Variants in ZDHHC6 observed in about 807,000 individuals in gnomAD.
ZDHHC6 encodes zDHHC palmitoyltransferase 6, also known as palmitoyltransferase ZDHHC6.
Under a neutral mutation model 57.8 loss-of-function variants are expected in ZDHHC6, and 32 were observed. The observed-to-expected ratio is 0.55, with a 90% confidence interval of 0.42 to 0.74. The LOEUF (loss-of-function observed/expected upper bound fraction) is 0.74. Ranked by LOEUF, ZDHHC6 falls within the 30% of genes least tolerant of loss-of-function variation. The pLI, the probability that ZDHHC6 is intolerant of heterozygous loss-of-function variation, is 0.00. For missense variants in ZDHHC6, 433 were observed against 500.7 expected (o/e 0.86, Z 1.29); for synonymous variants, 128 against 158.0 (o/e 0.81, Z 1.42).
rs75526073 is a variant in ZDHHC6 at position 112,431,099 on chromosome 10, C to A, written c.1139-192G>T. The stretch of plus-strand genomic sequence containing the variant: ...TTAAATGTTCATAACAAGCTAGGAA[C>A]AGGTATTTCCCAAATTTGATGATCC... On this transcript the variant is annotated intron_variant, in intron 10 of 10. Transcript: ENST00000369405. Among the ~76,000 whole-genome samples, 165 of 152,288 alleles carry A rather than the reference C, an allele frequency of 1.1e-3. 2 individuals carry two copies. In the East Asian group the frequency reaches 0.03, roughly 27 times the overall value.
chr10:112,428,849 G>A (rs910361255), downstream of ZDHHC6, among the ~76,000 whole-genome samples: 13 of 152,128 alleles, frequency 8.5e-5, no homozygotes, highest in African/African-American at 3.1e-4. Flanking sequence ...TAAATGGCCG[G>A]ATACAGCCTG....
chr10:112,432,641 C>A, intron 8 of ZDHHC6, 120 bp from the exon 9 acceptor site: 1 of 1,267,788 alleles, frequency 7.9e-7, no homozygotes. Context: ...TCTAGTTCCC[C>A]TTCTAGGGGA....
chr10:112,436,492 A>G (rs1845545256), intron 6 of ZDHHC6, among the ~76,000 whole-genome samples: 1 of 152,220 alleles, frequency 6.6e-6, no homozygotes, highest in South Asian at 2.1e-4. Context: ...ACAAAAAAAG[A>G]AGTCATAAAA....
At chr10:112,431,309 ATATT>A (rs1659853272) in intron 10 of ZDHHC6, among the ~76,000 whole-genome samples, 1 of 151,180 alleles carries the variant, frequency 6.6e-6, no homozygotes, top group Non-Finnish European at 1.5e-5. Context: ...TCTAACATAT[ATATT>A]TCTTTCTTTT....
chr10:112,433,198 A>G (rs747141454), intron 8 of ZDHHC6, 42 bp downstream of exon 8: 4 of 1,537,470 alleles, frequency 2.6e-6, no homozygotes, highest in Non-Finnish European at 3.5e-6. Context: ...TACAGAGCCT[A>G]ACAAAAGAAA....
At chr10:112,439,665 AAAAAG>A (rs1345397102) in intron 5 of ZDHHC6, among the ~76,000 whole-genome samples, 18 of 135,216 alleles carry the variant, frequency 1.3e-4, no homozygotes, top group African/African-American at 3.7e-4. Flanking sequence ...AAAAAAAAAA[AAAAAG>A]AATGAAAAAG....
downstream of ZDHHC6, chr10:112,426,521 C>G: frequency 1.6e-6 from 1 of 636,366 alleles, no homozygotes; most frequent in South Asian, 2.0e-5. Flanking sequence ...AAATAAAACT[C>G]TCTTTTCTAT....
At chr10:112,447,269 T>C (rs1028991701), upstream of ZDHHC6, 5 of 1,268,064 alleles carry the variant, frequency 3.9e-6, no homozygotes, top group Admixed American at 2.1e-5. Flanking sequence ...CGTTCTGCTC[T>C]CGGGGGCACC....
intron 8 of ZDHHC6, among the ~76,000 whole-genome samples, chr10:112,432,726 C>T (rs1845160280): frequency 6.6e-6 from 1 of 152,144 alleles, no homozygotes; most frequent in Non-Finnish European, 1.5e-5. Context: ...TTTCTTACTC[C>T]TCTTTTCAAG....
chr10:112,442,411 T>C (rs1846205259), intron 3 of ZDHHC6, 60 bp from the exon 4 acceptor site: 3 of 1,533,610 alleles, frequency 2.0e-6, no homozygotes, highest in East Asian at 2.3e-5. Flanking sequence ...TTAAATAACT[T>C]TGGTCTTCAA....
intron 3 of ZDHHC6, among the ~76,000 whole-genome samples, chr10:112,442,894 G>GCATCTGTTCCT (rs56111886): frequency 0.62 from 94,516 of 151,698 alleles, 30,248 homozygotes; most frequent in Non-Finnish European, 0.7. Flanking sequence ...GTCTTGCCGT[G>GCATCTGTTCCT]TACTGTTGAT....
At chr10:112,444,247 T>C (rs969243295) in intron 2 of ZDHHC6, among the ~76,000 whole-genome samples, 8 of 152,132 alleles carry the variant, frequency 5.3e-5, no homozygotes, top group Non-Finnish European at 1.5e-5. Flanking sequence ...CACAGGGCTG[T>C]CTACTGTTTC....
chr10:112,447,043 A>AG (rs1178522084), upstream of ZDHHC6: 3 of 307,734 alleles, frequency 9.7e-6, no homozygotes, highest in African/African-American at 6.1e-5. Flanking sequence ...CAGAACACGA[A>AG]GGGGGGAAAA....
At chr10:112,446,258 T>C (rs892382138) in intron 1 of ZDHHC6, among the ~76,000 whole-genome samples, 1 of 152,024 alleles carries the variant, frequency 6.6e-6, no homozygotes, top group African/African-American at 2.4e-5. Context: ...AAAGAGAGCA[T>C]GCAAGGAAAG....
chr10:112,434,891 T>C (rs2133805895), intron 6 of ZDHHC6, among the ~76,000 whole-genome samples: 1 of 152,302 alleles, frequency 6.6e-6, no homozygotes, highest in South Asian at 2.1e-4. Flanking sequence ...TAGAACTGTT[T>C]TGTGGGGTGC....
rs370066594 is a variant in ZDHHC6 at position 112,446,827 on chromosome 10, C to T, written c.-337G>A. On this transcript the variant is annotated 5_prime_UTR_variant, in exon 1 of 11. Transcript: ENST00000369405. ...CATGGACACCTCAGCCCAGGACAAG[C>T]AGAGAGCAAACCCTGGCAGCGAGAG... is the stretch of plus-strand genomic sequence containing the variant. The T allele has an allele frequency of 8.3e-5, 15 of 181,670 alleles. No homozygotes were observed. The highest frequency in any genetic ancestry group is 2.9e-4 in the East Asian group (3 of 10,252). The allele number at this position is 181,670 out of a possible 1,614,324, so 11.3% of individuals were successfully genotyped here. A position where few individuals can be genotyped will look rare whatever the true frequency, so the allele number is the denominator to read the frequency against.
upstream of ZDHHC6, chr10:112,447,481 C>G: frequency 6.2e-7 from 1 of 1,612,264 alleles, no homozygotes; most frequent in Non-Finnish European, 8.5e-7. Flanking sequence ...AGAGCCTTGC[C>G]CGGCTGGACG....
chr10:112,435,826 G>A (rs1175785336), intron 6 of ZDHHC6, among the ~76,000 whole-genome samples: 1 of 152,162 alleles, frequency 6.6e-6, no homozygotes, highest in Non-Finnish European at 1.5e-5. Context: ...TTTATAAAAT[G>A]ACTAAGACAT....
chr10:112,447,445 G>T, upstream of ZDHHC6: 1 of 1,613,634 alleles, frequency 6.2e-7, no homozygotes. Flanking sequence ...GCAAGATTGC[G>T]AGGGTCCCAC....
Sources: allele counts gnomAD v4.1 joint callset (sites outside exome capture counted in the v4.1 genomes callset), GRCh38; gene constraint gnomAD v4.1.1; transcripts MANE v1.5; gene names NCBI Gene and HGNC (gene_info 2026-07-23, HGNC 2026-07-21).